ADARB1: variants seen among roughly 807,000 people sequenced by gnomAD.
ADARB1 encodes adenosine deaminase RNA specific B1, also known as double-stranded RNA-specific editase 1.
Under a neutral mutation model 52.4 loss-of-function variants are expected in ADARB1, and 10 were observed. The observed-to-expected ratio is 0.19, with a 90% confidence interval of 0.12 to 0.32. The LOEUF (loss-of-function observed/expected upper bound fraction) is 0.32, where lower values mean the gene tolerates loss of function less well. ADARB1 is among the 10% of genes least tolerant of loss of function. The probability of loss-of-function intolerance (pLI) is 1.00; values close to 1 mark genes in which losing one functional copy is unlikely to be tolerated. For synonymous variants in ADARB1, 349 were observed against 371.1 expected (o/e 0.94, Z 0.68); for missense variants, 643 against 922.3 (o/e 0.70, Z 3.92).
At chr21:45,187,669 T>G (rs527268259) in intron 8 of ADARB1, among the ~76,000 whole-genome samples, 1 of 152,212 alleles carries the variant, frequency 6.6e-6, no homozygotes, top group Non-Finnish European at 1.5e-5. Context: ...CTTTATTACG[T>G]TGAGTTAGTT....
rs1487314363 is a variant in ADARB1, at chr21:45,223,439, CCT to C, written c.*1243_*1244del. ...GGTCAGGAGCGCGGCGGGCGAGGGC[CCT>C]GTGTGGACCACCTCCACCAAGCTCA... On this transcript the variant is annotated 3_prime_UTR_variant, in exon 11 of 11. Transcript: ENST00000348831. 3.0e-6 allele frequency: 3 copies of C among 985,544 alleles called. No individual in the cohort carries two copies. Among genetic ancestry groups the C allele is most frequent in the Non-Finnish European group, 3.6e-6 (3 of 830,202 alleles). The allele number at this position is 985,544 out of a possible 1,614,324, so 61.0% of individuals were successfully genotyped here. A position where few individuals can be genotyped will look rare whatever the true frequency, so the allele number is the denominator to read the frequency against.
chr21:45,194,834 A>G (rs2092389383), intron 8 of ADARB1, among the ~76,000 whole-genome samples: 1 of 152,150 alleles, frequency 6.6e-6, no homozygotes, highest in Admixed American at 6.5e-5. Context: ...CTGAAGGTTC[A>G]TTGCTTCCAC....
Position 45,221,702 on chromosome 21 carries a change from C to T in ADARB1, c.1927-316C>T, listed in dbSNP as rs75525801. 0.016 allele frequency among the ~76,000 whole-genome samples: 2,367 copies of T among 152,266 alleles called. 33 individuals carry two copies. Among genetic ancestry groups the T allele is most frequent in the Middle Eastern group, 0.075 (22 of 294 alleles). On this transcript the variant is annotated intron_variant, in intron 10 of 10. Coordinates refer to ENST00000348831, the MANE Select transcript of ADARB1 (RefSeq NM_001112.4). This position sits in a 1 kb window ranked among gnomAD's most constrained non-coding sequence, Gnocchi z 4.9. ...TCAGGGTGATGACACACATAACATC[C>T]GTGGTGCTTCTTAGAGTTAAAAATG...
chr21:45,141,130 G>A (rs966887833), intron 2 of ADARB1, among the ~76,000 whole-genome samples: 2 of 152,154 alleles, frequency 1.3e-5, no homozygotes, highest in East Asian at 1.9e-4. Flanking sequence ...CCCAGGAGAC[G>A]GGTGGCAATG....
At chr21:45,161,564 G>A (rs1020353395) in intron 2 of ADARB1, among the ~76,000 whole-genome samples, 2 of 152,262 alleles carry the variant, frequency 1.3e-5, no homozygotes, top group South Asian at 2.1e-4. Flanking sequence ...GGGGCTGAGG[G>A]AAGCACAGCG....
At chr21:45,147,624 C>G (rs996601618) in intron 2 of ADARB1, among the ~76,000 whole-genome samples, 4 of 152,168 alleles carry the variant, frequency 2.6e-5, no homozygotes, top group Admixed American at 2.0e-4. Flanking sequence ...TCAGGCCAGG[C>G]CCCCGGGGGT....
chr21:45,131,692 C>G (rs759945097), intron 2 of ADARB1, among the ~76,000 whole-genome samples: 2 of 152,218 alleles, frequency 1.3e-5, no homozygotes, highest in Non-Finnish European at 2.9e-5. Context: ...CTCTCGAAGC[C>G]TTGACTGAAA....
At chr21:45,182,864 A>T in intron 6 of ADARB1, 111 bp downstream of exon 6, 1 of 1,091,060 alleles carries the variant, frequency 9.2e-7, no homozygotes, top group African/African-American at 1.6e-5. Flanking sequence ...AATCTCTCAA[A>T]ATCATAACTT....
At chr21:45,114,830 A>G (rs1324253047) in intron 1 of ADARB1, among the ~76,000 whole-genome samples, 1 of 152,244 alleles carries the variant, frequency 6.6e-6, no homozygotes, top group Admixed American at 6.5e-5. Flanking sequence ...GCCAGAGGGA[A>G]CGCTTGAGAT....
rs2091878717 is a variant in ADARB1 at position 45,180,216 on chromosome 21, A to G, written c.964-114A>G. On this transcript the variant is annotated intron_variant, in intron 4 of 10. Coordinates refer to ENST00000348831, the MANE Select transcript of ADARB1 (RefSeq NM_001112.4). The stretch of plus-strand genomic sequence containing the variant: ...GCCAGATTTACCTGTGTGGTCTTCC[A>G]GATGAGAAGCAGCCTGTGTCACTCC... The G allele has an allele frequency of 2.7e-5, 20 of 739,636 alleles. 2 individuals are homozygous for G. The South Asian group carries it at 3.2e-4, about 12-fold the overall frequency. The allele number at this position is 739,636 out of a possible 1,614,324, so 45.8% of individuals were successfully genotyped here. A position where few individuals can be genotyped will look rare whatever the true frequency, so the allele number is the denominator to read the frequency against.
chr21:45,131,880 C>T (rs943970727), intron 2 of ADARB1, among the ~76,000 whole-genome samples: 3 of 152,184 alleles, frequency 2.0e-5, no homozygotes, highest in African/African-American at 4.8e-5. Context: ...TGGTGCCTGG[C>T]GGTGTCCTGG....
At chr21:45,112,413 C>T (rs999337568) in intron 1 of ADARB1, among the ~76,000 whole-genome samples, 1 of 152,080 alleles carries the variant, frequency 6.6e-6, no homozygotes, top group Non-Finnish European at 1.5e-5. Context: ...TGGTGGACTT[C>T]CCCTATCCCT....
intron 2 of ADARB1, among the ~76,000 whole-genome samples, chr21:45,134,498 G>T (rs1280961584): frequency 6.6e-6 from 1 of 151,466 alleles, no homozygotes; most frequent in African/African-American, 2.4e-5. Context: ...CGTACACTCG[G>T]GGTGTGTGTG....
At chr21:45,098,663 G>A (rs1471040061) in intron 1 of ADARB1, among the ~76,000 whole-genome samples, 4 of 152,166 alleles carry the variant, frequency 2.6e-5, no homozygotes, top group South Asian at 2.1e-4. Flanking sequence ...CCTCATTCCC[G>A]TGAGGATTAC....
At chr21:45,216,993 T>C (rs779030343) in intron 9 of ADARB1, among the ~76,000 whole-genome samples, 5 of 152,074 alleles carry the variant, frequency 3.3e-5, no homozygotes, top group Non-Finnish European at 4.4e-5. Context: ...TTCTGAAATT[T>C]GTTTTGAGAT....
rs576870578 is a variant in ADARB1 at position 45,220,045 on chromosome 21, C to G, written c.1748-791C>G. Among the ~76,000 whole-genome samples, 1 of 137,256 alleles carries G rather than the reference C, an allele frequency of 7.3e-6. No homozygotes were observed. The highest frequency in any genetic ancestry group is 1.6e-5 in the Non-Finnish European group (1 of 64,170). 90.0% of individuals were successfully genotyped at this position (137,256 alleles called of 152,430 possible). A position where few individuals can be genotyped will look rare whatever the true frequency, so the allele number is the denominator to read the frequency against. On this transcript the variant is annotated intron_variant, in intron 9 of 10. Transcript: ENST00000348831. This position sits in a 1 kb window ranked among gnomAD's most constrained non-coding sequence, Gnocchi z 6.3. ...TTCTTCAGGATTGTCTTTGTAAAAGCTATTTTTATCTCCTGTTTGATGTTT... is the reference window on the plus strand; with the variant it reads ...TTCTTCAGGATTGTCTTTGTAAAAGGTATTTTTATCTCCTGTTTGATGTTT...
chr21:45,080,289 A>G (rs1222371608), intron 1 of ADARB1, among the ~76,000 whole-genome samples: 1 of 152,220 alleles, frequency 6.6e-6, no homozygotes, highest in African/African-American at 2.4e-5. Flanking sequence ...CGATGATAGC[A>G]TGTTATGAGC....
chr21:45,162,028 T>C (rs1488301914), intron 2 of ADARB1, among the ~76,000 whole-genome samples: 3 of 152,128 alleles, frequency 2.0e-5, no homozygotes, highest in Non-Finnish European at 4.4e-5. Flanking sequence ...CAGGACCTGC[T>C]GAATGGCAGG....
At chr21:45,163,910 C>T (rs771091882) in intron 2 of ADARB1, among the ~76,000 whole-genome samples, 3 of 152,172 alleles carry the variant, frequency 2.0e-5, no homozygotes, top group Non-Finnish European at 2.9e-5. Flanking sequence ...AGCTGTCTGT[C>T]CCACGTTGCC....
Sources: gnomAD v4.1 joint callset for allele counts (sites outside exome capture counted in the v4.1 genomes callset) on GRCh38, gnomAD v4.1.1 for gene constraint, Gnocchi (gnomAD v3.1) non-coding constraint, MANE v1.5 for transcripts, NCBI Gene and HGNC (gene_info 2026-07-23, HGNC 2026-07-21) for gene names.